FCHO1: variants seen among roughly 807,000 people sequenced by gnomAD.
FCHO1 encodes FCH and mu domain containing endocytic adaptor 1.
FCHO1 carries 45 observed loss-of-function variants against 114.4 expected under a neutral mutation model. The observed-to-expected ratio is 0.39, with a 90% confidence interval of 0.31 to 0.50. The LOEUF (loss-of-function observed/expected upper bound fraction) is 0.50. FCHO1 is among the 20% of genes least tolerant of loss of function. The pLI is 0.77. For missense variants in FCHO1, 1,042 were observed against 1,209.6 expected (o/e 0.86, Z 2.06); for synonymous variants, 480 against 488.9 (o/e 0.98, Z 0.24).
Position 17,755,150 on chromosome 19 carries a change from A to C in FCHO1, c.-15A>C, listed in dbSNP as rs1400022325. 1.9e-6 allele frequency: 3 copies of C among 1,612,896 alleles called. No individual in the cohort carries two copies. Among genetic ancestry groups the C allele is most frequent in the South Asian group, 1.1e-5 (1 of 91,008 alleles). On this transcript the variant is annotated 5_prime_UTR_variant, in exon 4 of 29. Transcript: ENST00000596536. ...CTGGACGGGGCCTGCAGGGGTCTCC[A>C]CAGAGACCATCAGGATGTCGTATTT...
At chr19:17,782,029 C>T (rs1368168392) in intron 23 of FCHO1, among the ~76,000 whole-genome samples, 27 of 139,058 alleles carry the variant, frequency 1.9e-4, no homozygotes, top group African/African-American at 7.1e-4. Context: ...GACAGAGTTT[C>T]GCTCTTGCTG....
At chr19:17,766,222 G>C (rs1296922634) in intron 6 of FCHO1, among the ~76,000 whole-genome samples, 1 of 149,624 alleles carries the variant, frequency 6.7e-6, no homozygotes, top group Non-Finnish European at 1.5e-5. Context: ...TGTCACCCAG[G>C]CTGGAGTGCA....
intron 4 of FCHO1, 78 bp from the exon 5 acceptor site, chr19:17,762,684 C>G: frequency 9.6e-7 from 1 of 1,045,684 alleles, no homozygotes; most frequent in Non-Finnish European, 1.5e-6. Flanking sequence ...GACTTCTGCT[C>G]CTTGGCCACG....
chr19:17,754,877 C>T, intron 3 of FCHO1, 196 bp downstream of exon 3: 1 of 464,472 alleles, frequency 2.2e-6, no homozygotes. Context: ...GTCCCTCCAC[C>T]TAGTCCAGTT....
In FCHO1 at chr19:17,775,125, G is replaced by A. The variant is rs566598377; in HGVS notation, c.945+45G>A. On this transcript the variant is annotated intron_variant, in intron 14 of 28. Coordinates refer to ENST00000596536, the MANE Select transcript of FCHO1 (RefSeq NM_015122.3). This position sits in a 1 kb window ranked among gnomAD's most constrained non-coding sequence, Gnocchi z 5.1. ...TCAGGCTGGGCTACAAGTGGAAGGA[G>A]TTTGATCCCACTCTTGGCTCCTAGA... 106 of 1,590,936 alleles carry A rather than the reference G, an allele frequency of 6.7e-5. No individual in the cohort carries two copies. In the South Asian group the frequency reaches 9.2e-4, roughly 14 times the overall value.
intron 5 of FCHO1, among the ~76,000 whole-genome samples, chr19:17,763,453 G>A (rs1045512399): frequency 4.6e-5 from 7 of 151,572 alleles, no homozygotes; most frequent in Non-Finnish European, 1.0e-4. Context: ...TAGTAGAGAC[G>A]AGGTTTCACT....
intron 4 of FCHO1, 170 bp from the exon 5 acceptor site, chr19:17,762,592 C>T: frequency 1.5e-6 from 1 of 661,174 alleles, no homozygotes; most frequent in East Asian, 2.6e-5. Context: ...ATTTAAGGTC[C>T]ATAGACAATC....
At chr19:17,754,016 T>G (rs1204563090) in intron 1 of FCHO1, among the ~76,000 whole-genome samples, 1 of 152,172 alleles carries the variant, frequency 6.6e-6, no homozygotes, top group Non-Finnish European at 1.5e-5. Flanking sequence ...AGGGGCAGCC[T>G]TGCCCAAGGT....
At chr19:17,779,458 T>C (rs1474947144) in intron 20 of FCHO1, among the ~76,000 whole-genome samples, 3 of 150,438 alleles carry the variant, frequency 2.0e-5, no homozygotes, top group Non-Finnish European at 4.4e-5. Context: ...GGGAGGCAAG[T>C]AGGCGATGGG....
At chr19:17,754,537 C>A in intron 2 of FCHO1, 55 bp from the exon 3 acceptor site, 1 of 155,428 alleles carries the variant, frequency 6.4e-6, no homozygotes, top group East Asian at 1.9e-4. Context: ...CCCCAACCCC[C>A]ATGTGGCTGA....
chr19:17,755,290 A>G (rs1263677830), intron 4 of FCHO1, 99 bp downstream of exon 4: 2 of 1,094,160 alleles, frequency 1.8e-6, no homozygotes, highest in Non-Finnish European at 2.7e-6. Context: ...AGCCTTGGAC[A>G]GGTAGAGGAT....
At chr19:17,786,352 CACAAA>C (rs2093892384) in intron 26 of FCHO1, among the ~76,000 whole-genome samples, 1 of 133,282 alleles carries the variant, frequency 7.5e-6, no homozygotes, top group Non-Finnish European at 1.7e-5. Flanking sequence ...CACAAAAAAA[CACAAA>C]ACAAACACAC....
At chr19:17,777,358 GA>G (rs1272476929) in intron 18 of FCHO1, among the ~76,000 whole-genome samples, 2 of 151,740 alleles carry the variant, frequency 1.3e-5, no homozygotes, top group African/African-American at 4.8e-5. Flanking sequence ...CCAACATAAA[GA>G]AACCCCATCT....
intron 4 of FCHO1, among the ~76,000 whole-genome samples, chr19:17,762,206 G>A (rs147723493): frequency 1.1e-4 from 17 of 151,902 alleles, no homozygotes; most frequent in African/African-American, 3.6e-4. Flanking sequence ...GGCTGGTCTC[G>A]AACTCCTGAC....
At chr19:17,757,179 G>A (rs1318415342) in intron 4 of FCHO1, among the ~76,000 whole-genome samples, 6 of 132,070 alleles carry the variant, frequency 4.5e-5, no homozygotes, top group African/African-American at 1.5e-4. Context: ...GTGAGACTCC[G>A]TCTAAAAAAA....
chr19:17,781,643 G>A, intron 22 of FCHO1, 69 bp from the exon 23 acceptor site: 1 of 1,544,670 alleles, frequency 6.5e-7, no homozygotes, highest in Non-Finnish European at 8.9e-7. Context: ...GGCGGAGGGA[G>A]TCTCGAGCCT....
chr19:17,755,068 A>G, intron 3 of FCHO1, 50 bp from the exon 4 acceptor site: 1 of 1,196,372 alleles, frequency 8.4e-7, no homozygotes, highest in Non-Finnish European at 1.3e-6. Context: ...TCCCCCCACC[A>G]AGCCCACACT....
chr19:17,781,101 G>A, intron 20 of FCHO1, 130 bp from the exon 21 acceptor site: 6 of 660,372 alleles, frequency 9.1e-6, no homozygotes, highest in Non-Finnish European at 1.6e-5. Context: ...GCAACACCAG[G>A]ACTTCAGACC....
chr19:17,754,508 C>G (rs145296366), intron 2 of FCHO1, 84 bp from the exon 3 acceptor site: 2 of 154,248 alleles, frequency 1.3e-5, no homozygotes, highest in African/African-American at 4.8e-5. Flanking sequence ...CCAGGGGACC[C>G]TCAGGGATAC....
Sources: gnomAD v4.1 joint callset for allele counts (sites outside exome capture counted in the v4.1 genomes callset) on GRCh38, gnomAD v4.1.1 for gene constraint, Gnocchi (gnomAD v3.1) non-coding constraint, MANE v1.5 for transcripts, NCBI Gene and HGNC (gene_info 2026-07-23, HGNC 2026-07-21) for gene names.